CA10: variants seen among roughly 807,000 people sequenced by gnomAD.
CA10 encodes the protein carbonic anhydrase-related protein 10.
In CA10, 14 loss-of-function variants were observed where a neutral mutation model predicts 44.2. The ratio of observed to expected loss-of-function variants is 0.32; its 90% confidence interval spans 0.21 to 0.50. The LOEUF is 0.50. Among genes scored for constraint, CA10 ranks in the 20% least tolerant of loss-of-function variants. CA10 has a pLI of 0.99. For synonymous variants in CA10, 159 were observed against 141.6 expected, an observed-to-expected ratio of 1.12 and a Z score of -0.87; for missense variants, 350 against 409.7, an observed-to-expected ratio of 0.85 and a Z score of 1.26.
intron 2 of CA10, among the ~76,000 whole-genome samples, chr17:52,066,958 T>G (rs1456931667): frequency 6.6e-6 from 1 of 152,322 alleles, no homozygotes; most frequent in East Asian, 1.9e-4. Flanking sequence ...GGTTTGATAT[T>G]GGAACTTATG....
intron 1 of CA10, among the ~76,000 whole-genome samples, chr17:52,092,583 T>A (rs1257092592): frequency 2.0e-5 from 3 of 152,146 alleles, no homozygotes; most frequent in African/African-American, 7.2e-5. Flanking sequence ...TGGCCTAAGA[T>A]GCAAACTGAC....
At chr17:52,151,706 G>T (rs959914287) in intron 1 of CA10, among the ~76,000 whole-genome samples, 5 of 152,120 alleles carry the variant, frequency 3.3e-5, no homozygotes, top group African/African-American at 1.2e-4. Flanking sequence ...TGATGATGAT[G>T]ATGATAATTT....
chr17:52,157,652 T>C lies in CA10; in HGVS notation c.61+74A>G, dbSNP rs1356735618. On this transcript the variant is annotated intron_variant, in intron 1 of 8. Transcript: ENST00000451037. Reference sequence around the variant, plus strand: ...CCCCTCTCTCTGCCCCGCGGCTATATACAATAAAACCCCATACACCCCAGA... The same window carrying C: ...CCCCTCTCTCTGCCCCGCGGCTATACACAATAAAACCCCATACACCCCAGA... The C allele has an allele frequency of 2.6e-5, 36 of 1,377,950 alleles. No individual in the cohort carries two copies. The Admixed American group carries it at 5.9e-4, about 23-fold the overall frequency. 85.4% of individuals were successfully genotyped at this position (1,377,950 alleles called of 1,614,324 possible). A position where few individuals can be genotyped will look rare whatever the true frequency, so the allele number is the denominator to read the frequency against.
At chr17:52,054,273 C>T (rs976073363) in intron 2 of CA10, among the ~76,000 whole-genome samples, 17 of 152,070 alleles carry the variant, frequency 1.1e-4, no homozygotes, top group Admixed American at 7.9e-4. Flanking sequence ...CTGTCTTTTA[C>T]GGTCGTACAT....
intron 4 of CA10, among the ~76,000 whole-genome samples, chr17:51,693,753 G>A (rs538197045): frequency 6.6e-6 from 1 of 152,100 alleles, no homozygotes; most frequent in East Asian, 1.9e-4. Context: ...CTAATGGGGG[G>A]CCCCTAGGTT....
chr17:51,877,781 A>C (rs1980144252), intron 3 of CA10, among the ~76,000 whole-genome samples: 1 of 152,118 alleles, frequency 6.6e-6, no homozygotes, highest in African/African-American at 2.4e-5. Context: ...TTAACCAGCA[A>C]CTTTTTCACA....
At chr17:51,909,453 A>C (rs1981700547) in intron 3 of CA10, among the ~76,000 whole-genome samples, 1 of 152,154 alleles carries the variant, frequency 6.6e-6, no homozygotes, top group Non-Finnish European at 1.5e-5. Context: ...GAAAAGGGGA[A>C]GCTCAGTGTC....
At chr17:51,994,124 A>G (rs1450521257) in intron 2 of CA10, among the ~76,000 whole-genome samples, 1 of 152,078 alleles carries the variant, frequency 6.6e-6, no homozygotes, top group African/African-American at 2.4e-5. Flanking sequence ...TGAATCTTAA[A>G]GAGTGAATAG....
intron 3 of CA10, among the ~76,000 whole-genome samples, chr17:51,833,260 G>A (rs1249679692): frequency 6.6e-6 from 1 of 152,164 alleles, no homozygotes; most frequent in Non-Finnish European, 1.5e-5. Flanking sequence ...ATGGATCTCA[G>A]GAATGTCACC....
intron 4 of CA10, among the ~76,000 whole-genome samples, chr17:51,700,002 A>G (rs943758997): frequency 2.6e-5 from 4 of 152,200 alleles, no homozygotes; most frequent in Non-Finnish European, 4.4e-5. Flanking sequence ...TCAGAGATGA[A>G]GGGAGAAGGC....
At chr17:52,119,762 T>G (rs557518419) in intron 1 of CA10, among the ~76,000 whole-genome samples, 1 of 152,338 alleles carries the variant, frequency 6.6e-6, no homozygotes, top group East Asian at 1.9e-4. Flanking sequence ...CATCATGATT[T>G]CTTTTTGACA....
intron 2 of CA10, among the ~76,000 whole-genome samples, chr17:51,944,603 C>T (rs1340633492): frequency 2.0e-5 from 3 of 152,118 alleles, no homozygotes; most frequent in East Asian, 1.9e-4. Flanking sequence ...AATATTGGTG[C>T]CATCATTAAC....
chr17:51,900,407 A>C (rs1981261617), intron 3 of CA10, among the ~76,000 whole-genome samples: 1 of 152,122 alleles, frequency 6.6e-6, no homozygotes, highest in African/African-American at 2.4e-5. Context: ...TGTTAGCCTG[A>C]TGGGGTTCTC....
chr17:52,024,837 G>A (rs1216275596), intron 2 of CA10, among the ~76,000 whole-genome samples: 1 of 151,966 alleles, frequency 6.6e-6, no homozygotes, highest in Non-Finnish European at 1.5e-5. Context: ...AGTCAGCTAT[G>A]ATAATGGTGA....
At chr17:51,853,524 T>C (rs1212907943) in intron 3 of CA10, among the ~76,000 whole-genome samples, 1 of 152,220 alleles carries the variant, frequency 6.6e-6, no homozygotes, top group East Asian at 1.9e-4. Context: ...GCCCATGATG[T>C]TGGACTTAGC....
intron 1 of CA10, among the ~76,000 whole-genome samples, chr17:52,089,398 A>C (rs1365398102): frequency 6.6e-6 from 1 of 152,200 alleles, no homozygotes; most frequent in Non-Finnish European, 1.5e-5. Context: ...GTTAGCCAAG[A>C]GAAGAAATAA....
At chr17:51,749,270 T>TCTGGG (rs1449622022) in intron 3 of CA10, among the ~76,000 whole-genome samples, 1 of 152,208 alleles carries the variant, frequency 6.6e-6, no homozygotes, top group Non-Finnish European at 1.5e-5. Flanking sequence ...CTACGTCGAG[T>TCTGGG]CTGGGCTGGC....
chr17:52,147,119 A>T (rs989142789), intron 1 of CA10, among the ~76,000 whole-genome samples: 3 of 152,236 alleles, frequency 2.0e-5, no homozygotes, highest in Admixed American at 6.5e-5. Context: ...TAAGATATAA[A>T]GTTTCTTTTT....
chr17:51,827,332 G>A (rs1016887952), intron 3 of CA10, among the ~76,000 whole-genome samples: 22 of 147,764 alleles, frequency 1.5e-4, no homozygotes, highest in African/African-American at 4.2e-4. Context: ...AGAGAAACAC[G>A]CACACACACA....
Sources: allele counts gnomAD v4.1 joint callset (sites outside exome capture counted in the v4.1 genomes callset), GRCh38; gene constraint gnomAD v4.1.1; transcripts MANE v1.5; gene names NCBI Gene and HGNC (gene_info 2026-07-23, HGNC 2026-07-21).